Variants in ARHGAP10 observed in about 807,000 individuals in gnomAD.
ARHGAP10 encodes the protein rho GTPase-activating protein 10.
Under a neutral mutation model 108.6 loss-of-function variants are expected in ARHGAP10, and 87 were observed. The ratio of observed to expected loss-of-function variants is 0.80; its 90% CI spans 0.67 to 0.96. ARHGAP10 has a LOEUF of 0.96. Ranked by LOEUF, ARHGAP10 falls within the 40% of genes least tolerant of loss-of-function variation. ARHGAP10 has a pLI of 0.00. For synonymous variants in ARHGAP10, 347 were observed against 341.1 expected (o/e 1.02, Z -0.19); for missense variants, 939 against 954.5 (o/e 0.98, Z 0.21).
At chr4:147,747,036 A>T (rs982510744) in intron 1 of ARHGAP10, among the ~76,000 whole-genome samples, 16 of 152,160 alleles carry the variant, frequency 1.1e-4, no homozygotes, top group African/African-American at 3.9e-4. Flanking sequence ...GGGTTAGGGG[A>T]GAAAAAGGAG....
chr4:147,883,301 A>G (rs1016120025), intron 10 of ARHGAP10, among the ~76,000 whole-genome samples: 1 of 152,208 alleles, frequency 6.6e-6, no homozygotes, highest in Admixed American at 6.5e-5. Flanking sequence ...GACTCAAGCA[A>G]TCCTCCCACC....
intron 7 of ARHGAP10, among the ~76,000 whole-genome samples, chr4:147,872,099 C>CA (rs36205660): frequency 0.042 from 2,888 of 69,012 alleles, 107 homozygotes; most frequent in African/African-American, 0.077. Flanking sequence ...GAGACTCGGT[C>CA]AAAAAAAAAA....
intron 12 of ARHGAP10, among the ~76,000 whole-genome samples, chr4:147,912,548 A>AATATAG (rs1159618587): frequency 1.7e-5 from 2 of 120,334 alleles, no homozygotes; most frequent in African/African-American, 7.6e-5. Flanking sequence ...CAAACAAACA[A>AATATAG]ATATATATAT....
At chr4:147,825,789 C>A (rs1390813803) in intron 3 of ARHGAP10, among the ~76,000 whole-genome samples, 1 of 152,016 alleles carries the variant, frequency 6.6e-6, no homozygotes, top group African/African-American at 2.4e-5. Context: ...TTTTTCTTAA[C>A]CCTCTTTGAT....
intron 19 of ARHGAP10, among the ~76,000 whole-genome samples, chr4:148,023,806 G>T (rs531308131): frequency 6.6e-6 from 1 of 152,192 alleles, no homozygotes; most frequent in Non-Finnish European, 1.5e-5. Context: ...GTTCACCATC[G>T]CTCTGGGGTT....
intron 1 of ARHGAP10, among the ~76,000 whole-genome samples, chr4:147,777,086 T>C (rs528049664): frequency 1.1e-4 from 16 of 152,294 alleles, no homozygotes; most frequent in Non-Finnish European, 2.2e-4. Flanking sequence ...CAGTCAGTTT[T>C]CTTCTTGGAC....
At chr4:148,017,652 CTATA>C (rs35472561) in intron 18 of ARHGAP10, among the ~76,000 whole-genome samples, 50 of 105,302 alleles carry the variant, frequency 4.7e-4, no homozygotes, top group Middle Eastern at 4.6e-3. Flanking sequence ...GAGCCAGTAA[CTATA>C]TATATATATA....
intron 12 of ARHGAP10, among the ~76,000 whole-genome samples, chr4:147,911,786 C>T (rs1198228437): frequency 6.6e-6 from 1 of 152,038 alleles, no homozygotes; most frequent in Non-Finnish European, 1.5e-5. Flanking sequence ...ATAGTTTGCT[C>T]TGCCATATGA....
chr4:147,756,024 G>T (rs1729355274), intron 1 of ARHGAP10, among the ~76,000 whole-genome samples: 1 of 151,426 alleles, frequency 6.6e-6, no homozygotes, highest in South Asian at 2.1e-4. Flanking sequence ...TCAATAGTAG[G>T]TGGTTGCTGG....
intron 19 of ARHGAP10, among the ~76,000 whole-genome samples, chr4:148,043,649 A>ATATATATATATATATATATATATATT (rs1728738855): frequency 8.7e-6 from 1 of 114,516 alleles, no homozygotes; most frequent in Non-Finnish European, 1.8e-5. Flanking sequence ...ATATATATAT[A>ATATATATATATATATATATATATATT]TATTTTAGGT....
At chr4:147,784,425 T>A (rs1428736907) in intron 1 of ARHGAP10, among the ~76,000 whole-genome samples, 2 of 125,912 alleles carry the variant, frequency 1.6e-5, no homozygotes, top group Non-Finnish European at 3.1e-5. Flanking sequence ...ATATAATTTT[T>A]AAATTACATA....
At chr4:148,041,607 A>C (rs1265889319) in intron 19 of ARHGAP10, among the ~76,000 whole-genome samples, 1 of 152,244 alleles carries the variant, frequency 6.6e-6, no homozygotes, top group Non-Finnish European at 1.5e-5. Flanking sequence ...TAGAATTATC[A>C]AGCTCTTGTT....
At chr4:147,798,847 G>T (rs1387986024) in intron 1 of ARHGAP10, among the ~76,000 whole-genome samples, 3 of 145,342 alleles carry the variant, frequency 2.1e-5, no homozygotes, top group Admixed American at 2.0e-4. Context: ...CTTGAAAAAT[G>T]TGCTACTTCC....
chr4:147,927,713 G>A (rs1177016481), intron 13 of ARHGAP10, among the ~76,000 whole-genome samples: 1 of 152,182 alleles, frequency 6.6e-6, no homozygotes, highest in African/African-American at 2.4e-5. Flanking sequence ...GAGAGGAAGA[G>A]TTGGTGGACA....
At chr4:147,875,262 C>G in intron 8 of ARHGAP10, 112 bp downstream of exon 8, 1 of 1,188,886 alleles carries the variant, frequency 8.4e-7, no homozygotes, top group Non-Finnish European at 1.1e-6. Flanking sequence ...CTACCTCTTT[C>G]TCTCCCTGCT....
In ARHGAP10 at chr4:147,990,149, C is replaced by A. The variant is rs115874250; in HGVS notation, c.1716+23310C>A. Among the ~76,000 whole-genome samples, 516 of 152,322 alleles carry A rather than the reference C, an allele frequency of 3.4e-3. 2 individuals are homozygous for A. The highest frequency in any genetic ancestry group is 0.012 in the African/African-American group (496 of 41,580). On this transcript the variant is annotated intron_variant, in intron 18 of 22. Coordinates refer to ENST00000336498, the MANE Select transcript of ARHGAP10 (RefSeq NM_024605.4). ...AGGCACCCCGTCCTTCAGGTCAGGTCTTCATGGTGCAACCTCATTATCTCA... is the reference window on the plus strand; with the variant it reads ...AGGCACCCCGTCCTTCAGGTCAGGTATTCATGGTGCAACCTCATTATCTCA...
intron 19 of ARHGAP10, among the ~76,000 whole-genome samples, chr4:148,037,748 T>A (rs1339007961): frequency 1.3e-5 from 2 of 151,448 alleles, no homozygotes; most frequent in East Asian, 3.9e-4. Context: ...GGTACGAGAA[T>A]CGCTTGAACC....
chr4:147,752,229 G>A (rs1729183244), intron 1 of ARHGAP10, among the ~76,000 whole-genome samples: 1 of 152,158 alleles, frequency 6.6e-6, no homozygotes, highest in Admixed American at 6.5e-5. Flanking sequence ...CATTGATACA[G>A]TATTTCACAG....
intron 19 of ARHGAP10, among the ~76,000 whole-genome samples, chr4:148,025,377 T>C (rs1331995632): frequency 6.6e-6 from 1 of 152,114 alleles, no homozygotes; most frequent in East Asian, 1.9e-4. Flanking sequence ...ATTTTTTTTT[T>C]TAAGTTGTCA....
Sources: allele counts gnomAD v4.1 joint callset (sites outside exome capture counted in the v4.1 genomes callset), GRCh38; gene constraint gnomAD v4.1.1; transcripts MANE v1.5; gene names NCBI Gene and HGNC (gene_info 2026-07-23, HGNC 2026-07-21).